The following DMBT1 variants were observed in gnomAD, a reference collection of about 807,000 sequenced individuals.
The protein encoded by DMBT1 is scavenger receptor cysteine-rich domain-containing protein DMBT1.
DMBT1 carries 198 observed loss-of-function variants against 252.9 expected under a neutral mutation model. That is an observed-to-expected ratio of 0.78 (90% CI 0.70 to 0.88). The LOEUF is 0.88. Ranked by LOEUF, DMBT1 falls within the 40% of genes least tolerant of loss-of-function variation. The pLI is 0.00. For synonymous variants in DMBT1, 990 were observed against 942.7 expected (o/e 1.05, Z -0.92); for missense variants, 2,432 against 2,404.7 (o/e 1.01, Z -0.24).
intron 17 of DMBT1, among the ~76,000 whole-genome samples, chr10:122,590,269 G>A (rs972727664): frequency 6.7e-6 from 1 of 148,894 alleles, no homozygotes. Context: ...GGTGTAGGGC[G>A]GGCAGTGCCC....
intron 2 of DMBT1, among the ~76,000 whole-genome samples, chr10:122,567,767 G>A (rs2097611432): frequency 6.6e-6 from 1 of 152,234 alleles, no homozygotes; most frequent in South Asian, 2.1e-4. Context: ...TCCATGGTGG[G>A]AAGCAGGCTC....
At chr10:122,617,170 T>C in intron 39 of DMBT1, 58 bp from the exon 40 acceptor site, 1 of 1,557,322 alleles carries the variant, frequency 6.4e-7, no homozygotes, top group South Asian at 1.1e-5. Flanking sequence ...GAACCTTTTG[T>C]TCTGTGCCTT....
rs375447644 is a variant in DMBT1 at position 122,578,840 on chromosome 10, G to T, written c.679+81G>T. The T allele has an allele frequency of 1.2e-4, 167 of 1,384,850 alleles. No individual in the cohort carries two copies. The African/African-American group carries it at 1.3e-3, about 11-fold the overall frequency. 85.8% of individuals were successfully genotyped at this position (1,384,850 alleles called of 1,614,324 possible). Reference sequence around the variant, plus strand: ...TGGATTTCATAGTTCACTTATGATTGCCATAAAGAGAGGTGGGGAAGTGGG... The same window carrying T: ...TGGATTTCATAGTTCACTTATGATTTCCATAAAGAGAGGTGGGGAAGTGGG... On this transcript the variant is annotated intron_variant, in intron 9 of 55. Coordinates refer to ENST00000338354, the MANE Select transcript of DMBT1 (RefSeq NM_001377530.1).
chr10:122,633,978 A>G (rs2098188502), intron 52 of DMBT1, among the ~76,000 whole-genome samples: 1 of 152,124 alleles, frequency 6.6e-6, no homozygotes, highest in Non-Finnish European at 1.5e-5. Flanking sequence ...TCTACAAAAA[A>G]GTACAAAAAT....
chr10:122,567,089 C>T (rs1455727446), intron 2 of DMBT1, among the ~76,000 whole-genome samples: 3 of 152,230 alleles, frequency 2.0e-5, no homozygotes, highest in African/African-American at 7.2e-5. Flanking sequence ...GATGACTCTG[C>T]TCCTGGGCCC....
chr10:122,562,320 G>A (rs999944081), intron 1 of DMBT1, among the ~76,000 whole-genome samples: 3 of 152,144 alleles, frequency 2.0e-5, no homozygotes, highest in Non-Finnish European at 4.4e-5. Flanking sequence ...CTCAGTGGGG[G>A]AAGCTTTGAA....
chr10:122,630,856 C>A (rs2098158937), intron 48 of DMBT1, 105 bp from the exon 49 acceptor site: 3 of 1,290,416 alleles, frequency 2.3e-6, no homozygotes, highest in Non-Finnish European at 2.1e-6. Flanking sequence ...TATTTGGCGA[C>A]TTTAGAGGTG....
rs552919359 is a variant in DMBT1 at position 122,590,108 on chromosome 10, G to A, written c.2108-557G>A. ...TTATGCTGGGAAGGGAGGGTCTTCC[G>A]CTGAGGCCCAGTAAGGAGGCATCAG... is the stretch of plus-strand genomic sequence containing the variant. On this transcript the variant is annotated intron_variant, in intron 17 of 55. Coordinates refer to ENST00000338354, the MANE Select transcript of DMBT1 (RefSeq NM_001377530.1). Among the ~76,000 whole-genome samples, 16 of 148,626 alleles carry A rather than the reference G, an allele frequency of 1.1e-4. 2 individuals carry two copies. In the South Asian group the frequency reaches 3.0e-3, roughly 28 times the overall value.
chr10:122,616,967 T>G (rs537096557), intron 39 of DMBT1, among the ~76,000 whole-genome samples: 5 of 121,846 alleles, frequency 4.1e-5, no homozygotes, highest in South Asian at 6.6e-4. Context: ...GATGTGGGAT[T>G]GCATGGTGGG....
intron 5 of DMBT1, among the ~76,000 whole-genome samples, 196 bp downstream of exon 5, chr10:122,572,557 C>T (rs993873218): frequency 3.9e-5 from 6 of 152,298 alleles, no homozygotes; most frequent in African/African-American, 9.6e-5. Flanking sequence ...CGTTTGTACA[C>T]GTGTGTGTGC....
intron 15 of DMBT1, among the ~76,000 whole-genome samples, chr10:122,585,779 T>G (rs796983027): frequency 8.1e-5 from 12 of 148,606 alleles, no homozygotes; most frequent in African/African-American, 2.9e-4. Context: ...ACTGTAGCTG[T>G]GTAGCTCCAT....
At chr10:122,572,422 C>T (rs1026588752) in intron 5 of DMBT1, 61 bp downstream of exon 5, 145 of 1,598,918 alleles carry the variant, frequency 9.1e-5, no homozygotes, top group Non-Finnish European at 1.2e-4. Context: ...CTAGATTCAT[C>T]TCTGACCCAG....
chr10:122,642,063 A>T (rs1184194826), intron 55 of DMBT1, among the ~76,000 whole-genome samples: 1 of 152,154 alleles, frequency 6.6e-6, no homozygotes, highest in East Asian at 1.9e-4. Flanking sequence ...CGGCAAATGC[A>T]ATGACTGCCC....
In DMBT1 at chr10:122,630,600, G is replaced by A. The variant is rs1312860740; in HGVS notation, c.6025+110G>A. The A allele has an allele frequency of 4.2e-5, 49 of 1,154,366 alleles. No homozygotes were observed. In the East Asian group the frequency reaches 1.0e-3, roughly 24 times the overall value. 71.5% of individuals were successfully genotyped at this position (1,154,366 alleles called of 1,614,324 possible). On this transcript the variant is annotated intron_variant, in intron 48 of 55. Coordinates refer to ENST00000338354, the MANE Select transcript of DMBT1 (RefSeq NM_001377530.1). ...TCAAAGAAGGGCCTCAGCGATGCAC[G>A]GCCCATTCTCTTTCTCTTGGCACTG...
At chr10:122,624,034 G>T (rs2098095614) in intron 44 of DMBT1, among the ~76,000 whole-genome samples, 1 of 152,176 alleles carries the variant, frequency 6.6e-6, no homozygotes. Flanking sequence ...AAGTGACTCA[G>T]GAATAAGCCT....
rs753043292 is a variant in DMBT1 at position 122,591,536 on chromosome 10, C to T, written c.2176+19C>T. On this transcript the variant is annotated intron_variant, in intron 19 of 55. Coordinates refer to ENST00000338354, the MANE Select transcript of DMBT1 (RefSeq NM_001377530.1). ...ACAGTAGGTAAATAATCCTCTCACC[C>T]CTCCCTAGGGCTCACTCTCTACCTC... 5.7e-6 allele frequency: 9 copies of T among 1,579,086 alleles called. 1 individual carries two copies. The highest frequency in any genetic ancestry group is 7.8e-6 in the Non-Finnish European group (9 of 1,157,656).
chr10:122,630,885 G>A, intron 48 of DMBT1, 76 bp from the exon 49 acceptor site: 1 of 1,467,618 alleles, frequency 6.8e-7, no homozygotes, highest in East Asian at 2.3e-5. Context: ...CCTGTGGGAT[G>A]CTTGGCCTTT....
intron 19 of DMBT1, 66 bp from the exon 20 acceptor site, chr10:122,592,206 T>C: frequency 1.9e-6 from 3 of 1,564,652 alleles, no homozygotes; most frequent in Admixed American, 1.7e-5. Context: ...ACCCTGAGTG[T>C]GGAACGTGCC....
Position 122,630,007 on chromosome 10 carries a change from G to C in DMBT1, c.5822+14G>C, listed in dbSNP as rs750342783. 5 of 1,613,602 alleles carry C rather than the reference G, an allele frequency of 3.1e-6. No individual in the cohort carries two copies. Among genetic ancestry groups the C allele is most frequent in the Non-Finnish European group, 3.4e-6 (4 of 1,179,758 alleles). ...CAGTAATCTGAAGTAAGTAATGCCT[G>C]GTCATCTGGTGAGGGGTGAGTTCCT... On this transcript the variant is annotated intron_variant, in intron 47 of 55. Transcript: ENST00000338354.
Sources: allele counts gnomAD v4.1 joint callset (sites outside exome capture counted in the v4.1 genomes callset), GRCh38; gene constraint gnomAD v4.1.1; transcripts MANE v1.5; gene names NCBI Gene and HGNC (gene_info 2026-07-23, HGNC 2026-07-21).